ZNF800: variants seen among roughly 807,000 people sequenced by gnomAD.
ZNF800 encodes zinc finger protein 800.
ZNF800 carries 13 observed loss-of-function variants against 59.5 expected under a neutral mutation model. The ratio of observed to expected loss-of-function variants is 0.22; its 90% confidence interval spans 0.14 to 0.35. The LOEUF is 0.35. Among genes scored for constraint, ZNF800 ranks in the 10% least tolerant of loss-of-function variants. The pLI is 1.00. For synonymous variants in ZNF800, 266 were observed against 265.7 expected, an observed-to-expected ratio of 1.00 and a Z score of -0.01; for missense variants, 621 against 783.7, an observed-to-expected ratio of 0.79 and a Z score of 2.48.
Position 127,374,119 on chromosome 7 carries a change from A to ATTTCTGAAC in ZNF800, c.1208_1216dup (p.Ser403_Glu405dup), listed in dbSNP as rs760100185. 4 of 1,613,642 alleles carry ATTTCTGAAC rather than the reference A, an allele frequency of 2.5e-6. No individual in the cohort carries two copies. Among genetic ancestry groups the ATTTCTGAAC allele is most frequent in the Non-Finnish European group, 3.4e-6 (4 of 1,179,900 alleles). ...ATCTGCTGGTTCAACTTTAACTTTT[A>ATTTCTGAAC]TTTCTGAACTGTTGGCAGTATTATT... On this transcript the variant is annotated inframe_insertion, in exon 5 of 6. Coordinates refer to ENST00000265827, the MANE Select transcript of ZNF800 (RefSeq NM_176814.5).
At chr7:127,363,317 T>C (rs543211624) in intron 1 of ZNF800, 6 of 151,744 alleles carry the variant, frequency 4.0e-5, no homozygotes, top group Non-Finnish European at 7.4e-5. Context: ...ACCTCGGGAA[T>C]AGAGGAATCA....
chr7:127,379,837 C>CCA (rs1562907436), intron 3 of ZNF800, among the ~76,000 whole-genome samples: 1 of 7,408 alleles, frequency 1.3e-4, no homozygotes, highest in Non-Finnish European at 2.4e-4. Flanking sequence ...ACCCTTGCCA[C>CCA]CCCCCCACCC....
intron 3 of ZNF800, among the ~76,000 whole-genome samples, chr7:127,384,850 G>A (rs1223384058): frequency 6.6e-6 from 1 of 151,948 alleles, no homozygotes; most frequent in Non-Finnish European, 1.5e-5. Flanking sequence ...GTTAGTCGAG[G>A]GCAATTATCA....
chr7:127,384,227 CTT>C (rs577977623), intron 3 of ZNF800, among the ~76,000 whole-genome samples: 694 of 63,322 alleles, frequency 0.011, 8 homozygotes, highest in African/African-American at 0.04. Flanking sequence ...ATTCTAACTT[CTT>C]TTTTTTTTTT....
At chr7:127,353,625 G>A (rs114670358) in intron 1 of ZNF800, among the ~76,000 whole-genome samples, 1 of 152,216 alleles carries the variant, frequency 6.6e-6, no homozygotes, top group East Asian at 1.9e-4. Context: ...CCATCTTTAG[G>A]AAGAAAGCAG....
At chr7:127,345,210 G>A (rs1800035715), downstream of ZNF800, among the ~76,000 whole-genome samples, 1 of 152,042 alleles carries the variant, frequency 6.6e-6, no homozygotes, top group Non-Finnish European at 1.5e-5. Context: ...GTCAAATATT[G>A]TGCTACAGGC....
At chr7:127,383,646 T>C (rs1308334714) in intron 3 of ZNF800, among the ~76,000 whole-genome samples, 1 of 152,190 alleles carries the variant, frequency 6.6e-6, no homozygotes, top group Non-Finnish European at 1.5e-5. Flanking sequence ...AATGCCTTAG[T>C]GCTAAAGAAG....
At chr7:127,343,632 G>A (rs1411682539), downstream of ZNF800, among the ~76,000 whole-genome samples, 1 of 151,906 alleles carries the variant, frequency 6.6e-6, no homozygotes, top group Non-Finnish European at 1.5e-5. Context: ...CATATGCTAT[G>A]TACCAATCTA....
At chr7:127,351,256 C>T (rs1206075659) in intron 1 of ZNF800, 1 of 152,258 alleles carries the variant, frequency 6.6e-6, no homozygotes, top group Admixed American at 6.5e-5. Flanking sequence ...AAAATGTTTT[C>T]TCCCTGCTCT....
intron 5 of ZNF800, chr7:127,372,584 A>G: frequency 1.0e-6 from 1 of 975,272 alleles, no homozygotes; most frequent in South Asian, 4.7e-5. Context: ...TAATAATATT[A>G]ACTATGTTAA....
At chr7:127,372,976 C>T in intron 5 of ZNF800, 1 of 985,188 alleles carries the variant, frequency 1.0e-6, no homozygotes, top group African/African-American at 1.7e-5. Flanking sequence ...GACTAAGTCA[C>T]TGAATCAAAT....
chr7:127,381,012 GA>G (rs1218176267), intron 3 of ZNF800, among the ~76,000 whole-genome samples: 3 of 152,196 alleles, frequency 2.0e-5, no homozygotes, highest in Admixed American at 2.0e-4. Flanking sequence ...ATGTACTGGT[GA>G]AAATGTTTAA....
chr7:127,359,233 G>A (rs1361020419), intron 1 of ZNF800, among the ~76,000 whole-genome samples: 3 of 91,884 alleles, frequency 3.3e-5, no homozygotes, highest in Non-Finnish European at 6.2e-5. Flanking sequence ...AACAAATCTA[G>A]CTGTCACCAC....
intron 3 of ZNF800, among the ~76,000 whole-genome samples, chr7:127,378,255 T>C (rs1800845098): frequency 6.6e-6 from 1 of 151,954 alleles, no homozygotes; most frequent in Non-Finnish European, 1.5e-5. Flanking sequence ...AAATAAATGG[T>C]AAAAAGCACC....
chr7:127,389,259 G>A (rs1356937867), intron 2 of ZNF800, among the ~76,000 whole-genome samples: 2 of 152,092 alleles, frequency 1.3e-5, no homozygotes, highest in South Asian at 2.1e-4. Context: ...GTTGTGTGAT[G>A]GTTACATCAA....
At chr7:127,346,639 G>A (rs921503821), downstream of ZNF800, among the ~76,000 whole-genome samples, 4 of 152,208 alleles carry the variant, frequency 2.6e-5, no homozygotes, top group Non-Finnish European at 5.9e-5. Context: ...AGGAATCTAG[G>A]ATAGGAAGAT....
rs200111590 is a variant in ZNF800, at chr7:127,391,518, G to T, written c.40C>A (p.His14Asn). 6.2e-7 allele frequency: 1 copy of T among 1,614,210 alleles called. No individual in the cohort carries two copies. Among genetic ancestry groups the T allele is most frequent in the Admixed American group, 1.7e-5 (1 of 60,028 alleles). ...RDKYCQTDHH[H>N]HGCCEPVYIL... ...CTACCTGGTTCACAGCATCCGTGATGATGGTGGTCAGTCTGACAGTATTTG... is the reference window on the plus strand; with the variant it reads ...CTACCTGGTTCACAGCATCCGTGATTATGGTGGTCAGTCTGACAGTATTTG... The change falls in exon 2 of 6, where the codon CAT (histidine) becomes AAT (asparagine). Residue 14 changes from histidine to asparagine, a missense_variant. His to Asn is a moderately conservative substitution (Grantham distance 68). Around this residue, in one of 7 missense-constraint regions of ZNF800, gnomAD observed 57 missense variants for 77.1 expected, o/e 0.74. Transcript: ENST00000265827.
intron 2 of ZNF800, among the ~76,000 whole-genome samples, chr7:127,389,130 T>C (rs1801231108): frequency 1.3e-5 from 2 of 152,070 alleles, no homozygotes; most frequent in African/African-American, 4.8e-5. Flanking sequence ...TTATGACGTA[T>C]GGGACTTGCT....
intron 1 of ZNF800, among the ~76,000 whole-genome samples, chr7:127,348,420 GA>G (rs1204350989): frequency 2.5e-5 from 2 of 80,484 alleles, no homozygotes; most frequent in Admixed American, 1.4e-4. Context: ...AAAAATGCCA[GA>G]AAAAAATGGC....
Sources: allele counts gnomAD v4.1 joint callset (sites outside exome capture counted in the v4.1 genomes callset), GRCh38; gene constraint gnomAD v4.1.1; regional missense constraint gnomAD v4.1.1; transcripts MANE v1.5; gene names NCBI Gene and HGNC (gene_info 2026-07-23, HGNC 2026-07-21).